The following FHAD1 variants were observed in gnomAD, a reference collection of about 807,000 sequenced individuals.
FHAD1 encodes forkhead associated phosphopeptide binding domain 1.
Under a neutral mutation model 191.3 loss-of-function variants are expected in FHAD1, and 146 were observed. The ratio of observed to expected loss-of-function variants is 0.76; its 90% confidence interval spans 0.67 to 0.88. FHAD1 has a LOEUF of 0.88. Ranked by LOEUF, FHAD1 falls within the 40% of genes least tolerant of loss-of-function variation. The probability of loss-of-function intolerance (pLI) is 0.00; values close to 1 mark genes in which losing one functional copy is unlikely to be tolerated. For missense variants in FHAD1, 1,635 were observed against 1,785.8 expected (o/e 0.92, Z 1.52); for synonymous variants, 616 against 672.3 (o/e 0.92, Z 1.29).
intron 3 of FHAD1, among the ~76,000 whole-genome samples, chr1:15,274,309 A>G (rs1473995305): frequency 6.6e-6 from 1 of 152,176 alleles, no homozygotes; most frequent in Non-Finnish European, 1.5e-5. Flanking sequence ...AGAATGTATT[A>G]TAAAAGATTC....
chr1:15,253,670 T>G (rs1399732843), intron 2 of FHAD1, among the ~76,000 whole-genome samples: 4 of 152,236 alleles, frequency 2.6e-5, no homozygotes, highest in African/African-American at 9.6e-5. Flanking sequence ...GCTTATATGG[T>G]ATCTTGCAAC....
chr1:15,269,180 A>T (rs6679398), intron 2 of FHAD1, among the ~76,000 whole-genome samples: 89,474 of 151,772 alleles, frequency 0.59, 26,752 homozygotes, highest in East Asian at 0.83. Flanking sequence ...CTGATCTAAT[A>T]TTTCTTTCAG....
At chr1:15,358,061 A>C in intron 20 of FHAD1, 49 bp from the exon 21 acceptor site, 4 of 1,343,624 alleles carry the variant, frequency 3.0e-6, no homozygotes, top group Non-Finnish European at 4.0e-6. Context: ...GGCTGGGTAA[A>C]TATGTATTCC....
At position 15,316,488 on chromosome 1, in the gene FHAD1, T is replaced by G; in HGVS notation, c.1260+21T>G. ...AAACCGTGAGTTGAGCTTCCTCCTTTGTAGGTACCACCAGAAAAAACAGAG... is the reference window on the plus strand; with the variant it reads ...AAACCGTGAGTTGAGCTTCCTCCTTGGTAGGTACCACCAGAAAAAACAGAG... On this transcript the variant is annotated intron_variant, in intron 9 of 33. Transcript: ENST00000688493. The surrounding 1 kb of genome is among the most constrained non-coding windows in gnomAD (Gnocchi z 4.3). 6.5e-7 allele frequency: 1 copy of G among 1,547,768 alleles called. No individual in the cohort carries two copies. Among genetic ancestry groups the G allele is most frequent in the Middle Eastern group, 1.7e-4 (1 of 5,974 alleles).
At chr1:15,264,814 CA>C (rs1240052487) in intron 2 of FHAD1, among the ~76,000 whole-genome samples, 21 of 152,212 alleles carry the variant, frequency 1.4e-4, no homozygotes, top group Admixed American at 1.1e-3. Context: ...GAGCTTTTCA[CA>C]TATGGCCTTT....
intron 28 of FHAD1, 53 bp from the exon 29 acceptor site, chr1:15,380,648 A>G (rs2102980190): frequency 1.5e-5 from 21 of 1,418,136 alleles, no homozygotes; most frequent in South Asian, 3.7e-5. Flanking sequence ...TTCCAGTCAT[A>G]GAAAGTCATA....
At chr1:15,323,781 G>A (rs971388377) in intron 10 of FHAD1, among the ~76,000 whole-genome samples, 10 of 152,086 alleles carry the variant, frequency 6.6e-5, no homozygotes, top group African/African-American at 2.2e-4. Flanking sequence ...TCGAGCAAGC[G>A]GGGGAAAATG....
At chr1:15,334,800 GC>G (rs1466939770) in intron 14 of FHAD1, 1 of 152,248 alleles carries the variant, frequency 6.6e-6, no homozygotes, top group African/African-American at 2.4e-5. Flanking sequence ...ATCCTCTGGA[GC>G]CTCTGCCCTG....
chr1:15,299,804 G>A (rs940599126), intron 5 of FHAD1, among the ~76,000 whole-genome samples: 3 of 152,180 alleles, frequency 2.0e-5, no homozygotes, highest in Admixed American at 6.6e-5. Context: ...TGGAGCCCTC[G>A]GGTAACTCAT....
chr1:15,301,128 C>A, intron 5 of FHAD1, 77 bp from the exon 6 acceptor site: 1 of 1,307,336 alleles, frequency 7.6e-7, no homozygotes, highest in East Asian at 2.5e-5. Flanking sequence ...CCGCACCCGG[C>A]CCCTACTTTT....
Position 15,388,080 on chromosome 1 carries a change from C to T in FHAD1, c.4218C>T (p.Asn1406=), listed in dbSNP as rs1418340763. 3 of 1,289,768 alleles carry T rather than the reference C, an allele frequency of 2.3e-6. No individual in the cohort carries two copies. Among genetic ancestry groups the T allele is most frequent in the African/African-American group, 1.5e-5 (1 of 65,814 alleles). 79.9% of individuals were successfully genotyped at this position (1,289,768 alleles called of 1,614,324 possible). The change falls in exon 32 of 34, where the codon AAC becomes AAT. Residue 1406 remains asparagine (N), a synonymous_variant. Transcript: ENST00000688493. ...GTGTAGAGGAGCACGAACTGAGAAACGCAAAAGAATCGACACCTTGCAACT... is the reference window on the plus strand; with the variant it reads ...GTGTAGAGGAGCACGAACTGAGAAATGCAAAAGAATCGACACCTTGCAACT... The part of the protein sequence containing the change: ...KESVEEHELR[N]AKESTPCNCA...
At chr1:15,398,587 T>C (rs1271695315), downstream of FHAD1, among the ~76,000 whole-genome samples, 1 of 152,094 alleles carries the variant, frequency 6.6e-6, no homozygotes, top group Non-Finnish European at 1.5e-5. Flanking sequence ...GATGGCCTAG[T>C]TGTTACAGTC....
intron 2 of FHAD1, among the ~76,000 whole-genome samples, chr1:15,263,096 ATCT>A (rs557217407): frequency 1.3e-5 from 2 of 152,158 alleles, no homozygotes; most frequent in South Asian, 4.1e-4. Context: ...CCATTTGTGT[ATCT>A]TCTTTGGAGA....
chr1:15,310,558 A>AGT (rs1671959875), intron 7 of FHAD1, among the ~76,000 whole-genome samples: 1 of 151,820 alleles, frequency 6.6e-6, no homozygotes, highest in Non-Finnish European at 1.5e-5. Flanking sequence ...GATGGGCTAC[A>AGT]CTCTCACGGC....
chr1:15,343,029 A>C (rs980685532), intron 16 of FHAD1, among the ~76,000 whole-genome samples: 4 of 151,104 alleles, frequency 2.6e-5, no homozygotes, highest in Non-Finnish European at 5.9e-5. Flanking sequence ...GACTCCTGGC[A>C]TCAAGTGATC....
chr1:15,347,814 G>T lies in FHAD1; in HGVS notation c.2347-1228G>T, dbSNP rs556941789. On this transcript the variant is annotated intron_variant, in intron 18 of 33. Coordinates refer to ENST00000688493, the MANE Select transcript of FHAD1 (RefSeq NM_001391957.1). ...TTTTTAAGGTCAACAGAATCACTAG[G>T]TCATAATCTGGGTCTTGAGGTCATG... Among the ~76,000 whole-genome samples the T allele has an allele frequency of 7.0e-4, 107 of 152,292 alleles. 1 individual carries two copies. The South Asian group carries it at 0.02, about 29-fold the overall frequency.
chr1:15,376,996 G>A (rs779764025), intron 28 of FHAD1, among the ~76,000 whole-genome samples: 13 of 152,164 alleles, frequency 8.5e-5, no homozygotes, highest in Non-Finnish European at 1.3e-4. Context: ...AGCTATGATC[G>A]TGCCACTGCT....
intron 2 of FHAD1, among the ~76,000 whole-genome samples, chr1:15,252,327 G>T (rs1279538071): frequency 6.6e-6 from 1 of 152,170 alleles, no homozygotes; most frequent in African/African-American, 2.4e-5. Context: ...GGGCAGTTTT[G>T]CAGTCATATT....
intron 2 of FHAD1, among the ~76,000 whole-genome samples, chr1:15,265,522 C>T (rs935563215): frequency 1.3e-5 from 2 of 152,190 alleles, no homozygotes; most frequent in African/African-American, 2.4e-5. Flanking sequence ...TAACACAAGG[C>T]AGAGGCTTGT....
Sources: gnomAD v4.1 joint callset for allele counts (sites outside exome capture counted in the v4.1 genomes callset) on GRCh38, gnomAD v4.1.1 for gene constraint, Gnocchi (gnomAD v3.1) non-coding constraint, MANE v1.5 for transcripts, NCBI Gene and HGNC (gene_info 2026-07-23, HGNC 2026-07-21) for gene names.